Variants in CRISP1 observed in about 807,000 individuals in gnomAD.
The protein encoded by CRISP1 is cysteine rich secretory protein 1.
A neutral mutation model predicts 33.1 loss-of-function variants in CRISP1; 44 were observed. The observed-to-expected ratio is 1.33, with a 90% CI of 1.05 to 1.71. The LOEUF (loss-of-function observed/expected upper bound fraction) is 1.71. Ranked by LOEUF, CRISP1 falls within the 40% of genes most tolerant of loss-of-function variation. CRISP1 has a pLI of 0.00. For missense variants in CRISP1, 390 were observed against 301.2 expected (o/e 1.29, Z -2.18); for synonymous variants, 103 against 98.7 (o/e 1.04, Z -0.26).
At chr6:49,848,136 G>A (rs1771238552) in intron 4 of CRISP1, 73 bp downstream of exon 4, 3 of 834,374 alleles carry the variant, frequency 3.6e-6, no homozygotes, top group Admixed American at 2.5e-5. Context: ...TTTCATCAGG[G>A]TACATAACAA....
intron 5 of CRISP1, among the ~76,000 whole-genome samples, chr6:49,843,903 A>T (rs1582261364): frequency 6.6e-6 from 1 of 152,316 alleles, no homozygotes; most frequent in East Asian, 1.9e-4. Context: ...TAGCAAACAA[A>T]ATGGCTGCTG....
In CRISP1 at chr6:49,857,325, C is replaced by A; in HGVS notation, c.66+10G>T. The A allele has an allele frequency of 6.2e-7, 1 of 1,611,520 alleles. No homozygotes were observed. Among genetic ancestry groups the A allele is most frequent in the African/African-American group, 1.3e-5 (1 of 74,908 alleles). On this transcript the variant is annotated intron_variant, in intron 2 of 7. Coordinates refer to ENST00000335847, the MANE Select transcript of CRISP1 (RefSeq NM_001131.3). ...AGAAAGTAATTATGAAACATCCAAC[C>A]CTCACATACTTTCATGGACAACATA...
At chr6:49,862,825 AAAC>A in intron 1 of CRISP1, among the ~76,000 whole-genome samples, 1 of 152,106 alleles carries the variant, frequency 6.6e-6, no homozygotes, top group Non-Finnish European at 1.5e-5. Context: ...ACAAAAAAAA[AAAC>A]AAAACAAAAC....
At chr6:49,836,528 C>T (rs1216977952) in intron 7 of CRISP1, among the ~76,000 whole-genome samples, 40 of 151,606 alleles carry the variant, frequency 2.6e-4, no homozygotes, top group African/African-American at 8.0e-4. Flanking sequence ...TTAGTAGAGA[C>T]GGGGTTTCAC....
rs554755133 is a variant in CRISP1 at position 49,861,313 on chromosome 6, C to A, written c.-2-3911G>T. On this transcript the variant is annotated intron_variant, in intron 1 of 7. Transcript: ENST00000335847. ...AAAGAAGAAATCTATAGGCCAATAT[C>A]CCTGATGAACATAGATGCAAAGTTC... Among the ~76,000 whole-genome samples the A allele has an allele frequency of 6.6e-5, 10 of 152,192 alleles. No individual in the cohort carries two copies. In the South Asian group the frequency reaches 1.7e-3, roughly 25 times the overall value.
chr6:49,870,494 G>A (rs1334171415), upstream of CRISP1, among the ~76,000 whole-genome samples: 1 of 152,168 alleles, frequency 6.6e-6, no homozygotes, highest in Non-Finnish European at 1.5e-5. Context: ...TGTGGCCTCA[G>A]GTATTGAAAC....
intron 5 of CRISP1, among the ~76,000 whole-genome samples, chr6:49,845,683 TA>T (rs1771139787): frequency 7.1e-6 from 1 of 141,832 alleles, no homozygotes; most frequent in African/African-American, 2.6e-5. Context: ...CACCAATATT[TA>T]AAGCAGTATT....
In CRISP1 at chr6:49,848,312, G is replaced by GA. The variant is rs534496777; in HGVS notation, c.196-14dup. The GA allele has an allele frequency of 1.5e-3, 2,087 of 1,438,122 alleles. 1 individual carries two copies. Among genetic ancestry groups the GA allele is most frequent in the Non-Finnish European group, 1.6e-3 (1,681 of 1,056,078 alleles). 89.1% of individuals were successfully genotyped at this position (1,438,122 alleles called of 1,614,324 possible). On this transcript the variant is annotated splice_polypyrimidine_tract_variant and intron_variant, in intron 3 of 7. Coordinates refer to ENST00000335847, the MANE Select transcript of CRISP1 (RefSeq NM_001131.3). ...CTTCACTCCAACTCTGTAGTGGAAA[G>GA]AAAAAAAAAGCACATGTTCCAATTA...
intron 5 of CRISP1, among the ~76,000 whole-genome samples, chr6:49,842,380 A>G (rs1368098723): frequency 6.6e-6 from 1 of 152,178 alleles, no homozygotes; most frequent in African/African-American, 2.4e-5. Context: ...TTAATTGGTA[A>G]TAAGATTATT....
At position 49,835,006 on chromosome 6, in the gene CRISP1, T is replaced by A. The variant is rs1194154224; in HGVS notation, c.*310A>T. On this transcript the variant is annotated 3_prime_UTR_variant, in exon 8 of 8. Transcript: ENST00000335847. ...AGGCGGGGGTGGGAGTTGAACCACA[T>A]AAGACCTATTTTAGCCCAGGTTACT... is the stretch of plus-strand genomic sequence containing the variant. 2 of 206,146 alleles carry A rather than the reference T, an allele frequency of 9.7e-6. No homozygotes were observed. The highest frequency in any genetic ancestry group is 1.9e-5 in the Non-Finnish European group (2 of 103,846). 12.8% of individuals were successfully genotyped at this position (206,146 alleles called of 1,614,324 possible).
intron 3 of CRISP1, among the ~76,000 whole-genome samples, chr6:49,848,909 A>G (rs914742750): frequency 1.3e-5 from 2 of 149,878 alleles, no homozygotes; most frequent in African/African-American, 4.8e-5. Flanking sequence ...ACTCTACAAA[A>G]AAAAAATATT....
At chr6:49,859,591 T>C (rs561613101) in intron 1 of CRISP1, among the ~76,000 whole-genome samples, 10 of 152,084 alleles carry the variant, frequency 6.6e-5, no homozygotes, top group Admixed American at 2.6e-4. Flanking sequence ...TCTACCATCA[T>C]GAAAACACAC....
rs1360149561 is a variant in CRISP1, at chr6:49,834,665, C to T, written c.*651G>A. The T allele has an allele frequency of 6.6e-6, 1 of 151,960 alleles. No individual in the cohort carries two copies. Among genetic ancestry groups the T allele is most frequent in the Non-Finnish European group, 1.5e-5 (1 of 67,996 alleles). The allele number at this position is 151,960 out of a possible 1,614,324, so 9.4% of individuals were successfully genotyped here. Reference sequence around the variant, plus strand: ...CTTTGCAATGAAATGAAACTATATTCCTTCCATATATATAAACATGCATCT... The same window carrying T: ...CTTTGCAATGAAATGAAACTATATTTCTTCCATATATATAAACATGCATCT... On this transcript the variant is annotated 3_prime_UTR_variant, in exon 8 of 8. Transcript: ENST00000335847.
intron 5 of CRISP1, among the ~76,000 whole-genome samples, chr6:49,842,099 G>C (rs1366055408): frequency 6.6e-6 from 1 of 152,152 alleles, no homozygotes; most frequent in African/African-American, 2.4e-5. Context: ...TTTACAAAGA[G>C]AGTCATGCAT....
At chr6:49,848,391 T>C (rs1023376231) in intron 3 of CRISP1, 92 bp from the exon 4 acceptor site, 9 of 643,084 alleles carry the variant, frequency 1.4e-5, no homozygotes, top group Non-Finnish European at 2.0e-5. Flanking sequence ...AGATATAATA[T>C]CTTCAATTGT....
rs1276279031 is a variant in CRISP1, at chr6:49,851,996, C to T, written c.195+5G>A. The T allele has an allele frequency of 6.2e-7, 1 of 1,600,700 alleles. No individual in the cohort carries two copies. ...ATCATGGTTGTTGCTATTTTTTGATCTTACCATCTTCAGCATGTTGCTGGC... is the reference window on the plus strand; with the variant it reads ...ATCATGGTTGTTGCTATTTTTTGATTTTACCATCTTCAGCATGTTGCTGGC... On this transcript the variant is annotated splice_donor_5th_base_variant and intron_variant, in intron 3 of 7. Transcript: ENST00000335847.
At chr6:49,863,194 G>A (rs1157558987) in intron 1 of CRISP1, among the ~76,000 whole-genome samples, 1 of 152,132 alleles carries the variant, frequency 6.6e-6, no homozygotes, top group Non-Finnish European at 1.5e-5. Flanking sequence ...GAGTTTGTGA[G>A]GGTGAAAATA....
intron 5 of CRISP1, 48 bp from the exon 6 acceptor site, chr6:49,841,043 A>G: frequency 7.0e-7 from 1 of 1,435,792 alleles, no homozygotes; most frequent in Non-Finnish European, 9.7e-7. Flanking sequence ...ATTTTACTAA[A>G]TGACTATAAT....
intron 1 of CRISP1, among the ~76,000 whole-genome samples, chr6:49,872,179 T>A (rs567314196): frequency 2.3e-4 from 35 of 152,348 alleles, no homozygotes; most frequent in African/African-American, 7.5e-4. Flanking sequence ...CATGTGTCTT[T>A]GGGCTGCATA....
Sources: allele counts gnomAD v4.1 joint callset (sites outside exome capture counted in the v4.1 genomes callset), GRCh38; gene constraint gnomAD v4.1.1; transcripts MANE v1.5; gene names NCBI Gene and HGNC (gene_info 2026-07-23, HGNC 2026-07-21).